Variants in TPTE2 observed in about 807,000 individuals in gnomAD.
TPTE2 encodes phosphatidylinositol 3,4,5-trisphosphate 3-phosphatase TPTE2.
A neutral mutation model predicts 78.6 loss-of-function variants in TPTE2; 53 were observed. The ratio of observed to expected loss-of-function variants is 0.67; its 90% CI spans 0.54 to 0.85. TPTE2 has a LOEUF of 0.85. TPTE2 is among the 40% of genes least tolerant of loss of function. The pLI is 0.00. For synonymous variants in TPTE2, 175 were observed against 206.2 expected (o/e 0.85, Z 1.30); for missense variants, 461 against 623.0 (o/e 0.74, Z 2.77).
At chr13:19,482,527 T>A in exon 4 of TPTE2, 1 of 1,612,838 alleles carries the variant, frequency 6.2e-7, no homozygotes, top group Non-Finnish European at 8.5e-7. Context: ...AACTTCAAAC[T>A]TGGAAAGTCG....
chr13:19,551,328 G>A, the TPTE2 span, among the ~76,000 whole-genome samples: 1 of 152,060 alleles, frequency 6.6e-6, no homozygotes, highest in Non-Finnish European at 1.5e-5. Context: ...GGTGGTTCAC[G>A]CCTGTAATCC....
In TPTE2 at chr13:19,461,621, C is replaced by T. The variant is rs561391805; in HGVS notation, c.741+2835G>A. On this transcript the variant is annotated intron_variant, in intron 10 of 19. Coordinates refer to ENST00000400230, the Ensembl canonical transcript of TPTE2. ...GTGTTAAAGGCCCCAACTGTTATTG[C>T]ATTGGAGTCTATCTTTCCCTTTTGA... is the stretch of plus-strand genomic sequence containing the variant. Among the ~76,000 whole-genome samples, 18 of 152,230 alleles carry T rather than the reference C, an allele frequency of 1.2e-4. No homozygotes were observed. In the South Asian group the frequency reaches 3.7e-3, roughly 32 times the overall value.
At chr13:19,527,180 G>A (rs562572698) in intron 1 of TPTE2, among the ~76,000 whole-genome samples, 3 of 152,232 alleles carry the variant, frequency 2.0e-5, no homozygotes, top group South Asian at 4.1e-4. Flanking sequence ...AGTGCGTGTC[G>A]GTTGGCAGGG....
At chr13:19,508,213 T>C (rs1276183855), upstream of TPTE2, among the ~76,000 whole-genome samples, 1 of 152,214 alleles carries the variant, frequency 6.6e-6, no homozygotes, top group East Asian at 1.9e-4. Context: ...GCAGACTTTG[T>C]CCTTCAGTCC....
At chr13:19,493,014 A>T in intron 2 of TPTE2, 111 bp from the exon 6 acceptor site, 2 of 1,454,608 alleles carry the variant, frequency 1.4e-6, no homozygotes, top group South Asian at 1.2e-5. Context: ...TTCTGTCAGA[A>T]ATCTGAGTCC....
At chr13:19,493,007 TG>T (rs1330356751) in intron 2 of TPTE2, 104 bp from the exon 6 acceptor site, 1 of 1,498,406 alleles carries the variant, frequency 6.7e-7, no homozygotes, top group African/African-American at 1.4e-5. Context: ...AATTAATTTC[TG>T]TCAGAAATCT....
chr13:19,464,950 A>G (rs193230207), intron 9 of TPTE2, among the ~76,000 whole-genome samples: 1 of 152,342 alleles, frequency 6.6e-6, no homozygotes, highest in African/African-American at 2.4e-5. Context: ...TAGGATGAGA[A>G]GAGGTCTCTG....
At chr13:19,522,982 A>G (rs1208709592) in intron 1 of TPTE2, among the ~76,000 whole-genome samples, 1 of 152,162 alleles carries the variant, frequency 6.6e-6, no homozygotes. Flanking sequence ...TACCCCAGGT[A>G]GCCATTATGT....
At chr13:19,459,073 C>G (rs1260851922) in intron 10 of TPTE2, among the ~76,000 whole-genome samples, 1 of 152,128 alleles carries the variant, frequency 6.6e-6, no homozygotes, top group Non-Finnish European at 1.5e-5. Context: ...CACAACCTTC[C>G]CAGCATCTGT....
chr13:19,540,029 A>G (rs886549465), upstream of TPTE2, among the ~76,000 whole-genome samples: 1 of 152,118 alleles, frequency 6.6e-6, no homozygotes, highest in Non-Finnish European at 1.5e-5. Flanking sequence ...CTGTAATCCC[A>G]GCTACTCGGG....
intron 7 of TPTE2, among the ~76,000 whole-genome samples, chr13:19,465,844 G>A (rs183784468): frequency 1.5e-4 from 23 of 152,284 alleles, no homozygotes; most frequent in African/African-American, 3.9e-4. Flanking sequence ...ACCCTCTTAT[G>A]ACAATGATCT....
At chr13:19,545,888 T>C in the TPTE2 span, among the ~76,000 whole-genome samples, 1 of 152,180 alleles carries the variant, frequency 6.6e-6, no homozygotes, top group Non-Finnish European at 1.5e-5. Flanking sequence ...ATTAAAAATC[T>C]GTCCATGGGC....
At chr13:19,428,940 G>A (rs1566035119) in intron 17 of TPTE2, among the ~76,000 whole-genome samples, 1 of 152,122 alleles carries the variant, frequency 6.6e-6, no homozygotes, top group Non-Finnish European at 1.5e-5. Context: ...TGAAAAATAT[G>A]GTGGGGCATT....
rs766443791 is a variant in TPTE2, at chr13:19,450,323, T to C, written c.824A>G (p.Lys275Arg). 5 of 1,611,040 alleles carry C rather than the reference T, an allele frequency of 3.1e-6. No individual in the cohort carries two copies. The South Asian group carries it at 3.3e-5, about 11-fold the overall frequency. The change falls in exon 12 of 20, where the codon AAG becomes AGG. Residue 275 changes from lysine (K) to arginine (R), a missense_variant. By Grantham distance (26) the Lys-to-Arg change is conservative. Transcript: ENST00000400230. ...TCTACTGACCCTATTATGGAAGTGC[T>C]TAGGATCATAAGCTCTTTCACCTAA...
At chr13:19,443,587 A>G (rs1039171023) in intron 13 of TPTE2, among the ~76,000 whole-genome samples, 1 of 151,988 alleles carries the variant, frequency 6.6e-6, no homozygotes, top group Non-Finnish European at 1.5e-5. Flanking sequence ...ATTTTTTAGT[A>G]GAGACAGGGT....
intron 1 of TPTE2, among the ~76,000 whole-genome samples, chr13:19,510,896 T>C (rs1243873637): frequency 6.6e-6 from 1 of 152,138 alleles, no homozygotes; most frequent in Non-Finnish European, 1.5e-5. Context: ...TCACATAAAT[T>C]CAAAGTAAAA....
chr13:19,509,582 A>G (rs1471185625), intron 1 of TPTE2, among the ~76,000 whole-genome samples: 6 of 152,224 alleles, frequency 3.9e-5, no homozygotes, highest in African/African-American at 1.4e-4. Context: ...ATAGAAATAG[A>G]ATACTCAAGT....
intron 13 of TPTE2, among the ~76,000 whole-genome samples, chr13:19,443,397 C>CTTTTTTTTTTTTTTTTT (rs71092357): frequency 7.7e-6 from 1 of 129,914 alleles, no homozygotes; most frequent in Non-Finnish European, 1.6e-5. Flanking sequence ...TTCTTTCTTT[C>CTTTTTTTTTTTTTTTTT]TTTTTTTTTT....
chr13:19,506,949 T>C (rs1053791616), upstream of TPTE2, among the ~76,000 whole-genome samples: 1 of 152,208 alleles, frequency 6.6e-6, no homozygotes, highest in African/African-American at 2.4e-5. Flanking sequence ...GTAGACTTCT[T>C]GTGATCTATT....
Sources: gnomAD v4.1 joint callset for allele counts (sites outside exome capture counted in the v4.1 genomes callset) on GRCh38, gnomAD v4.1.1 for gene constraint, MANE v1.5 for transcripts, NCBI Gene and HGNC (gene_info 2026-07-23, HGNC 2026-07-21) for gene names.